The following SLC24A2 variants were observed in gnomAD, a reference collection of about 807,000 sequenced individuals.
SLC24A2 encodes sodium/potassium/calcium exchanger 2.
A neutral mutation model predicts 62.0 loss-of-function variants in SLC24A2; 36 were observed. That is an observed-to-expected ratio of 0.58 (90% CI 0.44 to 0.77). The LOEUF (loss-of-function observed/expected upper bound fraction) is 0.77, where lower values mean the gene tolerates loss of function less well. SLC24A2 is among the 30% of genes least tolerant of loss of function. The pLI is 0.00. For synonymous variants in SLC24A2, 358 were observed against 294.0 expected, an observed-to-expected ratio of 1.22 and a Z score of -2.23; for missense variants, 846 against 817.9, an observed-to-expected ratio of 1.03 and a Z score of -0.42.
At chr9:20,220,881 A>G in the SLC24A2 span, among the ~76,000 whole-genome samples, 1 of 152,204 alleles carries the variant, frequency 6.6e-6, no homozygotes, top group African/African-American at 2.4e-5. Flanking sequence ...TTCACCTCTA[A>G]AGGAAATGAC....
At chr9:20,026,563 C>G in the SLC24A2 span, among the ~76,000 whole-genome samples, 1 of 152,062 alleles carries the variant, frequency 6.6e-6, no homozygotes, top group Non-Finnish European at 1.5e-5. Flanking sequence ...TTGAAGAACA[C>G]ACAATAGGGA....
chr9:20,012,347 G>T, the SLC24A2 span, among the ~76,000 whole-genome samples: 1 of 152,178 alleles, frequency 6.6e-6, no homozygotes, highest in African/African-American at 2.4e-5. Flanking sequence ...TAAACCATCA[G>T]ATCTCGTGAG....
the SLC24A2 span, among the ~76,000 whole-genome samples, chr9:20,259,042 G>A: frequency 6.6e-5 from 10 of 152,112 alleles, no homozygotes; most frequent in African/African-American, 2.4e-4. Context: ...GAGTCAGAGG[G>A]AAATGAAACC....
At chr9:19,840,007 C>A in the SLC24A2 span, among the ~76,000 whole-genome samples, 1 of 152,168 alleles carries the variant, frequency 6.6e-6, no homozygotes, top group Non-Finnish European at 1.5e-5. Context: ...ATGATGAAAT[C>A]ACCTAAGGAT....
chr9:19,681,248 T>G (rs1819714320), intron 2 of SLC24A2, among the ~76,000 whole-genome samples: 2 of 152,110 alleles, frequency 1.3e-5, no homozygotes, highest in African/African-American at 4.8e-5. Flanking sequence ...TTACACTAGC[T>G]ATCCACATAG....
At chr9:20,081,053 T>G in the SLC24A2 span, among the ~76,000 whole-genome samples, 1 of 152,338 alleles carries the variant, frequency 6.6e-6, no homozygotes, top group South Asian at 2.1e-4. Flanking sequence ...GTTCAACCAT[T>G]GTGGAAGTCA....
intron 2 of SLC24A2, among the ~76,000 whole-genome samples, chr9:19,735,644 G>A (rs150210143): frequency 0.011 from 1,612 of 152,302 alleles, 34 homozygotes; most frequent in East Asian, 0.097. Flanking sequence ...TTAAGAAAAT[G>A]TGGCACATAT....
chr9:20,105,352 T>C, the SLC24A2 span, among the ~76,000 whole-genome samples: 1 of 152,100 alleles, frequency 6.6e-6, no homozygotes, highest in African/African-American at 2.4e-5. Flanking sequence ...GCGGACCTAA[T>C]AGACATCTAC....
Position 19,569,698 on chromosome 9 carries a change from A to G in SLC24A2, c.1347+3653T>C, listed in dbSNP as rs760573445. 2.7e-4 allele frequency among the ~76,000 whole-genome samples: 41 copies of G among 152,182 alleles called. No individual in the cohort carries two copies. In the Middle Eastern group the frequency reaches 0.017, roughly 63 times the overall value. Reference sequence around the variant, plus strand: ...TGCAAATCACATCTGCTGACTTCCAATGGCTTCTTGCTGCCCCAGACAGAA... The same window carrying G: ...TGCAAATCACATCTGCTGACTTCCAGTGGCTTCTTGCTGCCCCAGACAGAA... On this transcript the variant is annotated intron_variant, in intron 7 of 10. Coordinates refer to ENST00000341998, the MANE Select transcript of SLC24A2 (RefSeq NM_020344.4).
intron 2 of SLC24A2, among the ~76,000 whole-genome samples, chr9:19,708,605 A>G (rs527842435): frequency 5.3e-5 from 8 of 152,336 alleles, no homozygotes; most frequent in South Asian, 2.1e-4. Flanking sequence ...AATGCCACAT[A>G]TCTACAACCA....
At chr9:19,819,713 G>A in the SLC24A2 span, among the ~76,000 whole-genome samples, 4 of 151,834 alleles carry the variant, frequency 2.6e-5, no homozygotes, top group South Asian at 8.3e-4. Flanking sequence ...AGTAGATGTT[G>A]ACATGGATGC....
intron 2 of SLC24A2, among the ~76,000 whole-genome samples, chr9:19,754,977 G>T (rs1218659589): frequency 6.6e-6 from 1 of 152,054 alleles, no homozygotes; most frequent in African/African-American, 2.4e-5. Context: ...TAATAAGATG[G>T]TTTCTATTTT....
the SLC24A2 span, among the ~76,000 whole-genome samples, chr9:20,007,228 GCT>G: frequency 6.6e-6 from 1 of 152,150 alleles, no homozygotes. Flanking sequence ...CTGCTGCAGT[GCT>G]CTGTTCTAGA....
the SLC24A2 span, among the ~76,000 whole-genome samples, chr9:19,949,352 C>T: frequency 6.6e-6 from 1 of 151,824 alleles, no homozygotes; most frequent in African/African-American, 2.4e-5. Flanking sequence ...GACAGTGGTG[C>T]AACGATTTTT....
intron 2 of SLC24A2, among the ~76,000 whole-genome samples, chr9:19,743,122 TACAAG>T (rs201505549): frequency 0.011 from 1,636 of 152,300 alleles, 18 homozygotes; most frequent in African/African-American, 0.037. Flanking sequence ...ACAACTATCT[TACAAG>T]ACAACAGCTT....
the SLC24A2 span, among the ~76,000 whole-genome samples, chr9:20,040,420 G>A: frequency 3.9e-5 from 6 of 152,276 alleles, no homozygotes; most frequent in African/African-American, 1.4e-4. Context: ...TGGTTAAGAT[G>A]GAATAATGAA....
intron 4 of SLC24A2, among the ~76,000 whole-genome samples, chr9:19,612,568 G>T (rs544697344): frequency 9.8e-5 from 15 of 152,292 alleles, no homozygotes; most frequent in African/African-American, 3.6e-4. Flanking sequence ...GCACAGAGAG[G>T]ATAAACAAAT....
At chr9:19,524,418 C>CAAAAAAA (rs34416897) in intron 9 of SLC24A2, among the ~76,000 whole-genome samples, 1 of 119,056 alleles carries the variant, frequency 8.4e-6, no homozygotes, top group Non-Finnish European at 1.8e-5. Flanking sequence ...AAGATAAAGG[C>CAAAAAAA]AAAAAAAAAA....
chr9:19,603,099 C>T (rs1358043026), intron 4 of SLC24A2, among the ~76,000 whole-genome samples: 1 of 151,708 alleles, frequency 6.6e-6, no homozygotes, highest in Non-Finnish European at 1.5e-5. Flanking sequence ...AGTTGGAATT[C>T]ATTTCTAATT....
Sources: gnomAD v4.1 joint callset for allele counts (sites outside exome capture counted in the v4.1 genomes callset) on GRCh38, gnomAD v4.1.1 for gene constraint, MANE v1.5 for transcripts, NCBI Gene and HGNC (gene_info 2026-07-23, HGNC 2026-07-21) for gene names.